The following MLLT10 variants were observed in gnomAD, a reference collection of about 807,000 sequenced individuals.
The protein encoded by MLLT10 is MLLT10 histone lysine methyltransferase DOT1L cofactor.
In MLLT10, 30 loss-of-function variants were observed where a neutral mutation model predicts 129.1. That is an observed-to-expected ratio of 0.23 (90% CI 0.17 to 0.32). The LOEUF is 0.32. Among genes scored for constraint, MLLT10 ranks in the 10% least tolerant of loss-of-function variants. The pLI, the probability that MLLT10 is intolerant of heterozygous loss-of-function variation, is 1.00. For synonymous variants in MLLT10, 490 were observed against 446.4 expected (o/e 1.10, Z -1.23); for missense variants, 1,119 against 1,268.3 (o/e 0.88, Z 1.79).
At chr10:21,717,701 TTCC>T (rs1431213350) in intron 14 of MLLT10, among the ~76,000 whole-genome samples, 5 of 23,392 alleles carry the variant, frequency 2.1e-4, no homozygotes, top group South Asian at 2.2e-3. Context: ...CCTCCTCCTC[TTCC>T]TCCTCCTCCT....
chr10:21,575,514 A>G (rs1215673818), intron 3 of MLLT10, among the ~76,000 whole-genome samples: 2 of 151,994 alleles, frequency 1.3e-5, no homozygotes, highest in Admixed American at 1.3e-4. Context: ...CATTAATTTT[A>G]TATCTTTTTT....
chr10:21,565,572 G>T (rs2039443583), intron 3 of MLLT10, among the ~76,000 whole-genome samples: 1 of 150,318 alleles, frequency 6.7e-6, no homozygotes, highest in Non-Finnish European at 1.5e-5. Context: ...CTCCCAAAGT[G>T]CTGGGATTAC....
chr10:21,647,608 T>C (rs569791412), intron 8 of MLLT10, among the ~76,000 whole-genome samples: 19 of 151,494 alleles, frequency 1.3e-4, no homozygotes, highest in Non-Finnish European at 2.4e-4. Flanking sequence ...CCAACAACTT[T>C]GGTCACTATA....
chr10:21,593,980 A>T (rs2042767039), intron 4 of MLLT10, among the ~76,000 whole-genome samples: 1 of 149,536 alleles, frequency 6.7e-6, no homozygotes, highest in Admixed American at 6.7e-5. Flanking sequence ...TTTGTAGCCA[A>T]GATGATACTG....
chr10:21,549,652 T>A (rs1173993828), intron 3 of MLLT10, among the ~76,000 whole-genome samples: 1 of 148,576 alleles, frequency 6.7e-6, no homozygotes, highest in African/African-American at 2.5e-5. Context: ...TCTAACTGAG[T>A]TGTACTCTTT....
chr10:21,564,522 T>C (rs559233402), intron 3 of MLLT10: 1 of 152,226 alleles, frequency 6.6e-6, no homozygotes, highest in East Asian at 1.9e-4. Flanking sequence ...TCAGGGAGCA[T>C]GCTAATCTTC....
chr10:21,584,823 T>C (rs1589085647), intron 3 of MLLT10, among the ~76,000 whole-genome samples: 2 of 151,890 alleles, frequency 1.3e-5, no homozygotes, highest in East Asian at 3.9e-4. Flanking sequence ...TACACATACA[T>C]ATGTATGTAT....
intron 8 of MLLT10, among the ~76,000 whole-genome samples, chr10:21,618,360 G>T (rs73592592): frequency 6.6e-6 from 1 of 151,596 alleles, no homozygotes; most frequent in African/African-American, 2.4e-5. Flanking sequence ...AAAATTATTC[G>T]GGCCTGGTGG....
At chr10:21,559,701 A>G (rs1331542099) in intron 3 of MLLT10, among the ~76,000 whole-genome samples, 6 of 152,162 alleles carry the variant, frequency 3.9e-5, no homozygotes, top group South Asian at 2.1e-4. Flanking sequence ...GTGGAATCTT[A>G]TATTTGTTCT....
intron 3 of MLLT10, among the ~76,000 whole-genome samples, chr10:21,581,421 A>G (rs1264215922): frequency 1.3e-5 from 2 of 151,834 alleles, no homozygotes; most frequent in Non-Finnish European, 2.9e-5. Context: ...GCACTTGTAT[A>G]GGGCTTTACC....
In MLLT10 at chr10:21,595,414, T is replaced by C; in HGVS notation, c.379T>C (p.Ser127Pro). The C allele has an allele frequency of 1.2e-6, 2 of 1,613,120 alleles. No homozygotes were observed. The highest frequency in any genetic ancestry group is 1.7e-6 in the Non-Finnish European group (2 of 1,179,284). The change falls in exon 5 of 23, where the codon TCT becomes CCT. Residue 127 changes from serine to proline, a missense_variant. Physicochemically the swap from Ser to Pro is moderately conservative, Grantham distance 74 (BLOSUM62 -1). This residue lies in a region of MLLT10 where 44 missense variants were observed against 114.3 expected (regional missense o/e 0.38). Coordinates refer to ENST00000307729, the MANE Select transcript of MLLT10 (RefSeq NM_001195626.3). ...VSTMEPIVLQ[S>P]VPHDRYNKTC... ...CACAATGGAACCAATTGTTTTACAGTCTGTTCCGCATGATCGTTATAATAA... is the reference window on the plus strand; with the variant it reads ...CACAATGGAACCAATTGTTTTACAGCCTGTTCCGCATGATCGTTATAATAA...
At chr10:21,611,254 C>G (rs1397571861) in intron 5 of MLLT10, among the ~76,000 whole-genome samples, 2 of 151,712 alleles carry the variant, frequency 1.3e-5, no homozygotes, top group South Asian at 4.2e-4. Context: ...GGTGATCCAC[C>G]CATCTCGGCC....
chr10:21,611,947 T>C (rs374580661), intron 5 of MLLT10, among the ~76,000 whole-genome samples: 2 of 152,038 alleles, frequency 1.3e-5, no homozygotes, highest in South Asian at 2.1e-4. Context: ...CTCTTAGATA[T>C]GATTATTTCC....
At chr10:21,574,188 GT>G (rs2040497578) in intron 3 of MLLT10, among the ~76,000 whole-genome samples, 1 of 152,070 alleles carries the variant, frequency 6.6e-6, no homozygotes, top group African/African-American at 2.4e-5. Flanking sequence ...TGTTTTATCA[GT>G]TTTGATAAGT....
At chr10:21,572,785 A>G (rs1261352556) in intron 3 of MLLT10, among the ~76,000 whole-genome samples, 2 of 151,468 alleles carry the variant, frequency 1.3e-5, no homozygotes, top group Non-Finnish European at 2.9e-5. Flanking sequence ...GCTAATTTTT[A>G]TGTTTTTAGT....
At chr10:21,618,424 G>A (rs527282235) in intron 8 of MLLT10, among the ~76,000 whole-genome samples, 2 of 151,928 alleles carry the variant, frequency 1.3e-5, no homozygotes, top group South Asian at 4.2e-4. Context: ...AATCACGCTT[G>A]AACCCAGGAG....
At chr10:21,577,173 C>T (rs1052858733) in intron 3 of MLLT10, among the ~76,000 whole-genome samples, 2 of 152,190 alleles carry the variant, frequency 1.3e-5, no homozygotes, top group African/African-American at 4.8e-5. Flanking sequence ...AATGTACAAG[C>T]ATTTGTTTTG....
chr10:21,698,895 G>GA (rs1261499741), intron 13 of MLLT10, among the ~76,000 whole-genome samples: 1 of 152,182 alleles, frequency 6.6e-6, no homozygotes, highest in Non-Finnish European at 1.5e-5. Flanking sequence ...TTGGTTTTGA[G>GA]ACGGAGTCTT....
chr10:21,562,830 T>TC (rs1443791139), intron 3 of MLLT10, among the ~76,000 whole-genome samples: 1 of 139,890 alleles, frequency 7.1e-6, no homozygotes, highest in South Asian at 2.3e-4. Flanking sequence ...TTTTTTTTTT[T>TC]TTTTTTTTGA....
Sources: allele counts gnomAD v4.1 joint callset (sites outside exome capture counted in the v4.1 genomes callset), GRCh38; gene constraint gnomAD v4.1.1; regional missense constraint gnomAD v4.1.1; transcripts MANE v1.5; gene names NCBI Gene and HGNC (gene_info 2026-07-23, HGNC 2026-07-21).